Variants in DST observed in about 807,000 individuals in gnomAD.
DST encodes the protein bullous pemphigoid antigen.
Under a neutral mutation model 875.2 loss-of-function variants are expected in DST, and 253 were observed. That is an observed-to-expected ratio of 0.29 (90% CI 0.26 to 0.32). The LOEUF is 0.32. DST is among the 10% of genes least tolerant of loss of function. DST has a pLI of 1.00. For missense variants in DST, 8,287 were observed against 9,111.6 expected (o/e 0.91, Z 3.68); for synonymous variants, 3,124 against 3,197.1 (o/e 0.98, Z 0.77).
chr6:56,843,665 G>C (rs1404076434), intron 4 of DST: 2 of 983,326 alleles, frequency 2.0e-6, no homozygotes, highest in Non-Finnish European at 2.4e-6. Context: ...CCTGGCCGCC[G>C]CGCCGCAGAC....
At position 56,594,052 on chromosome 6, in the gene DST, C is replaced by T. The variant is rs1461854866; in HGVS notation, c.12337G>A (p.Val4113Met). The T allele has an allele frequency of 1.9e-6, 3 of 1,613,360 alleles. No homozygotes were observed. Among genetic ancestry groups the T allele is most frequent in the African/African-American group, 1.3e-5 (1 of 74,874 alleles). Residue 4113 changes from valine to methionine, a missense_variant, in exon 48 of 104, where the codon GTG becomes ATG. Physicochemically the swap from Val to Met is conservative, Grantham distance 21. Coordinates refer to ENST00000680361, the MANE Select transcript of DST (RefSeq NM_001374736.1). ...TCAGCCAGTGCAGTTTCATAATGCACTTTCAGTTCCTTCATGTTCTTTTGC... is the reference window on the plus strand; with the variant it reads ...TCAGCCAGTGCAGTTTCATAATGCATTTTCAGTTCCTTCATGTTCTTTTGC... ...KLQKNMKELK[V>M]HYETALAESE...
intron 4 of DST, among the ~76,000 whole-genome samples, chr6:56,850,409 C>CAA (rs70989736): frequency 0.015 from 1,194 of 77,226 alleles, 30 homozygotes; most frequent in African/African-American, 0.046. Flanking sequence ...GTATAGGAGG[C>CAA]AAAAAAAAAA....
chr6:56,548,189 A>T (rs4236144), intron 61 of DST, among the ~76,000 whole-genome samples: 116,929 of 152,144 alleles, frequency 0.77, 45,218 homozygotes, highest in African/African-American at 0.83. Flanking sequence ...TGATGAGCTT[A>T]AAAAAATGGC....
chr6:56,900,371 T>A, intron 3 of DST, 50 bp downstream of exon 3: 1 of 1,292,384 alleles, frequency 7.7e-7, no homozygotes, highest in Non-Finnish European at 1.0e-6. Flanking sequence ...AACAACCACA[T>A]GATTTGACAG....
At chr6:56,722,398 T>TTATTTATC (rs2099422597) in intron 5 of DST, among the ~76,000 whole-genome samples, 1 of 146,438 alleles carries the variant, frequency 6.8e-6, no homozygotes, top group Non-Finnish European at 1.5e-5. Flanking sequence ...ATTTATTTAT[T>TTATTTATC]TTTGAGACGA....
chr6:56,494,653 A>G (rs1402067333), intron 82 of DST, among the ~76,000 whole-genome samples: 2 of 152,154 alleles, frequency 1.3e-5, no homozygotes, highest in African/African-American at 4.8e-5. Context: ...GAAAGTAAAT[A>G]ACCAGCACAG....
rs1345310282 is a variant in DST, at chr6:56,639,723, T to C, written c.2670A>G (p.Arg890=). The change falls in exon 20 of 104, where the codon AGA becomes AGG. Residue 890 remains arginine (R), a synonymous_variant. Transcript: ENST00000680361. The stretch of plus-strand genomic sequence containing the variant: ...AGAGTTTTGCATACTGACTCTCTAA[T>C]CTGTGCAACTTTTCTGCATAAGTCA... ...LKLTYAEKLH[R]LESQYAKLLN... 4 of 1,613,652 alleles carry C rather than the reference T, an allele frequency of 2.5e-6. No homozygotes were observed. The highest frequency in any genetic ancestry group is 1.6e-4 in the Middle Eastern group (1 of 6,068).
At chr6:56,650,902 C>T (rs764782997) in intron 12 of DST, 24 bp downstream of exon 12, 15 of 1,449,884 alleles carry the variant, frequency 1.0e-5, no homozygotes, top group African/African-American at 4.3e-5. Context: ...CAACAGCTTC[C>T]GGTGTGGAAA....
chr6:56,591,637 G>A (rs1333142054), intron 49 of DST, among the ~76,000 whole-genome samples: 7 of 152,052 alleles, frequency 4.6e-5, no homozygotes, highest in Admixed American at 1.3e-4. Flanking sequence ...GGGATGGAGG[G>A]GCACGTCACA....
At chr6:56,514,767 T>C (rs933636774) in intron 72 of DST, among the ~76,000 whole-genome samples, 8 of 152,136 alleles carry the variant, frequency 5.3e-5, no homozygotes, top group South Asian at 2.1e-4. Context: ...CATAAACCCT[T>C]ACAAAATTTT....
chr6:56,570,000 T>A lies in DST; in HGVS notation c.13734A>T (p.Val4578=). Residue 4578 remains valine, a synonymous_variant, in exon 54 of 104, where the codon GTA becomes GTT. Transcript: ENST00000680361. The stretch of plus-strand genomic sequence containing the variant: ...CATCCAACTGTTCTTGACAAGAAGT[T>A]ACAGCTTCTTTTCTACATAACAAAA... ...EDTIKEKKEA[V]TSCQEQLDAF... 1.9e-6 allele frequency: 3 copies of A among 1,584,558 alleles called. No homozygotes were observed. Among genetic ancestry groups the A allele is most frequent in the Non-Finnish European group, 2.6e-6 (3 of 1,171,196 alleles).
At chr6:56,814,706 T>TATA (rs1362933413) in intron 4 of DST, among the ~76,000 whole-genome samples, 1 of 152,180 alleles carries the variant, frequency 6.6e-6, no homozygotes, top group Non-Finnish European at 1.5e-5. Flanking sequence ...ATGAACTCTC[T>TATA]ACTCTTAAGA....
intron 10 of DST, among the ~76,000 whole-genome samples, chr6:56,661,592 T>C (rs1303470602): frequency 1.5e-5 from 2 of 136,080 alleles, no homozygotes; most frequent in African/African-American, 5.0e-5. Flanking sequence ...CTCTAACAGT[T>C]TTTTTTTTTT....
At chr6:56,889,109 T>C (rs920160045) in intron 3 of DST, among the ~76,000 whole-genome samples, 30 of 152,208 alleles carry the variant, frequency 2.0e-4, no homozygotes, top group Admixed American at 1.8e-3. Flanking sequence ...CAAACTCTCA[T>C]CACTGGCAGA....
chr6:56,593,516 C>CAAAAAAA lies in DST; in HGVS notation c.12726+140_12726+146dup, dbSNP rs58251502. The CAAAAAAA allele has an allele frequency of 6.4e-3, 2,029 of 317,534 alleles. 11 individuals carry two copies. Among genetic ancestry groups the CAAAAAAA allele is most frequent in the Non-Finnish European group, 6.9e-3 (1,408 of 202,924 alleles). The allele number at this position is 317,534 out of a possible 1,614,324, so 19.7% of individuals were successfully genotyped here. On this transcript the variant is annotated intron_variant, in intron 48 of 103. Transcript: ENST00000680361. ...TGGGCGACAGAGTGAGACTCCTTCT[C>CAAAAAAA]AAAAAAAAAAAAAAAAATAGAAGTA...
At chr6:56,609,369 A>C in intron 39 of DST, 25 bp from the exon 40 acceptor site, 2 of 1,541,322 alleles carry the variant, frequency 1.3e-6, no homozygotes, top group Non-Finnish European at 1.8e-6. Flanking sequence ...CAAAAATCTC[A>C]GGTCACTCTG....
At position 56,629,244 on chromosome 6, in the gene DST, A is replaced by G. The variant is rs903947536; in HGVS notation, c.4475+6T>C. On this transcript the variant is annotated splice_donor_region_variant and intron_variant, in intron 32 of 103. Coordinates refer to ENST00000680361, the MANE Select transcript of DST (RefSeq NM_001374736.1). The stretch of plus-strand genomic sequence containing the variant: ...GTGCTAAAACTGAACAAAAAAGGAT[A>G]CTAACCTGTTGTCAATCTGCACATG... 3 of 1,613,444 alleles carry G rather than the reference A, an allele frequency of 1.9e-6. No homozygotes were observed. Among genetic ancestry groups the G allele is most frequent in the Admixed American group, 3.3e-5 (2 of 60,004 alleles).
At chr6:56,947,793 A>G (rs922032722) in intron 2 of DST, among the ~76,000 whole-genome samples, 3 of 152,160 alleles carry the variant, frequency 2.0e-5, no homozygotes, top group African/African-American at 7.2e-5. Context: ...GTCTATCCTC[A>G]TGCCCTTATA....
At chr6:56,624,906 A>G (rs1378334432) in intron 35 of DST, among the ~76,000 whole-genome samples, 3 of 152,122 alleles carry the variant, frequency 2.0e-5, no homozygotes, top group Non-Finnish European at 4.4e-5. Context: ...GGTTTTTAAA[A>G]ACCCTTAATA....
Sources: allele counts gnomAD v4.1 joint callset (sites outside exome capture counted in the v4.1 genomes callset), GRCh38; gene constraint gnomAD v4.1.1; transcripts MANE v1.5; gene names NCBI Gene and HGNC (gene_info 2026-07-23, HGNC 2026-07-21).